The following LHX2 variants were observed in gnomAD, a reference collection of about 807,000 sequenced individuals.
LHX2 encodes LIM/homeobox protein Lhx2.
Under a neutral mutation model 33.0 loss-of-function variants are expected in LHX2, and 6 were observed. That is an observed-to-expected ratio of 0.18 (90% CI 0.10 to 0.36). The LOEUF (loss-of-function observed/expected upper bound fraction) is 0.36, where lower values mean the gene tolerates loss of function less well. LHX2 is among the 10% of genes least tolerant of loss of function. The pLI, the probability that LHX2 is intolerant of heterozygous loss-of-function variation, is 1.00. For synonymous variants in LHX2, 292 were observed against 253.1 expected (o/e 1.15, Z -1.46); for missense variants, 442 against 586.2 (o/e 0.75, Z 2.54).
chr9:124,029,176 C>T (rs1564552796), intron 4 of LHX2, among the ~76,000 whole-genome samples: 1 of 152,038 alleles, frequency 6.6e-6, no homozygotes, highest in Non-Finnish European at 1.5e-5. Flanking sequence ...TAATAATAGT[C>T]GAATCCACCT....
chr9:124,021,380 C>A, intron 4 of LHX2, 76 bp downstream of exon 4: 1 of 1,356,418 alleles, frequency 7.4e-7, no homozygotes, highest in Non-Finnish European at 1.0e-6. Flanking sequence ...TCGCCGTGGG[C>A]CTTGGAAGGA....
intron 3 of LHX2, among the ~76,000 whole-genome samples, chr9:124,020,793 T>C (rs563084116): frequency 3.9e-5 from 6 of 152,044 alleles, no homozygotes; most frequent in Admixed American, 6.6e-5. Context: ...GTAGCTGTTG[T>C]TGCTGCTGCT....
intron 4 of LHX2, among the ~76,000 whole-genome samples, chr9:124,024,862 G>A (rs1405428245): frequency 3.3e-5 from 5 of 152,200 alleles, no homozygotes; most frequent in Admixed American, 6.5e-5. Context: ...AGTTCAGATT[G>A]GTCTGAAATT....
In LHX2 at chr9:124,013,942, C is replaced by A. The variant is rs913942443; in HGVS notation, c.121-19C>A. 1 of 1,606,200 alleles carries A rather than the reference C, an allele frequency of 6.2e-7. No homozygotes were observed. Among genetic ancestry groups the A allele is most frequent in the African/African-American group, 1.3e-5 (1 of 74,806 alleles). On this transcript the variant is annotated intron_variant, in intron 1 of 4. Coordinates refer to ENST00000373615, the MANE Select transcript of LHX2 (RefSeq NM_004789.4). Reference sequence around the variant, plus strand: ...GGCTGACGCAGGCGCTGCTGTCTTCCGCCTCCCTCCCTTCGCAGACCATGC... The same window carrying A: ...GGCTGACGCAGGCGCTGCTGTCTTCAGCCTCCCTCCCTTCGCAGACCATGC...
At chr9:124,013,123 C>T (rs774675393) in intron 1 of LHX2, among the ~76,000 whole-genome samples, 1 of 152,318 alleles carries the variant, frequency 6.6e-6, no homozygotes, top group East Asian at 1.9e-4. Flanking sequence ...GCCAGTTCCT[C>T]GCCTCAGGCC....
At position 124,014,725 on chromosome 9, in the gene LHX2, G is replaced by C. The variant is rs1475371677; in HGVS notation, c.324-397G>C. ...TCTCTCTGTCTCTGTCTCTACGTCT[G>C]TGTCTCTCTCTCTTTCCCTGTCTCT... On this transcript the variant is annotated intron_variant, in intron 2 of 4. Coordinates refer to ENST00000373615, the MANE Select transcript of LHX2 (RefSeq NM_004789.4). The surrounding 1 kb of genome is among the most constrained non-coding windows in gnomAD (Gnocchi z 4.8). Among the ~76,000 whole-genome samples, 1 of 152,152 alleles carries C rather than the reference G, an allele frequency of 6.6e-6. No individual in the cohort carries two copies. Among genetic ancestry groups the C allele is most frequent in the Admixed American group, 6.5e-5 (1 of 15,274 alleles).
In LHX2 at chr9:124,016,911, A is replaced by G. The variant is rs887415730; in HGVS notation, c.727+1386A>G. Among the ~76,000 whole-genome samples, 8 of 152,160 alleles carry G rather than the reference A, an allele frequency of 5.3e-5. No individual in the cohort carries two copies. Among genetic ancestry groups the G allele is most frequent in the African/African-American group, 9.7e-5 (4 of 41,450 alleles). On this transcript the variant is annotated intron_variant, in intron 3 of 4. Transcript: ENST00000373615. The surrounding 1 kb of genome is among the most constrained non-coding windows in gnomAD (Gnocchi z 4.4). ...GCTCCCCCAACACCAAGCCGCTTCT[A>G]TTTATCAAGTGGGTCAACTTCCACT... is the stretch of plus-strand genomic sequence containing the variant.
chr9:124,026,926 C>T (rs563613879), intron 4 of LHX2, among the ~76,000 whole-genome samples: 24 of 152,154 alleles, frequency 1.6e-4, no homozygotes, highest in Non-Finnish European at 3.4e-4. Flanking sequence ...CTCCATTTCC[C>T]TACCTGTAAA....
At chr9:124,028,289 G>A (rs1364464579) in intron 4 of LHX2, among the ~76,000 whole-genome samples, 1 of 152,214 alleles carries the variant, frequency 6.6e-6, no homozygotes. Flanking sequence ...CGCGCACCAG[G>A]CTGGGGCACC....
chr9:124,027,751 G>A (rs1828648329), intron 4 of LHX2, among the ~76,000 whole-genome samples: 1 of 152,110 alleles, frequency 6.6e-6, no homozygotes, highest in African/African-American at 2.4e-5. Flanking sequence ...CCGGGAGGCA[G>A]AGGTTGCAGT....
Position 124,024,647 on chromosome 9 carries a change from G to A in LHX2, c.933+3343G>A, listed in dbSNP as rs576893117. ...TTACAGAGTGTAGAGTCAGGACCCA[G>A]GCATGCTGATCTCATGCACTCATTT... On this transcript the variant is annotated intron_variant, in intron 4 of 4. Coordinates refer to ENST00000373615, the MANE Select transcript of LHX2 (RefSeq NM_004789.4). 2.0e-5 allele frequency among the ~76,000 whole-genome samples: 3 copies of A among 152,278 alleles called. No individual in the cohort carries two copies. The South Asian group carries it at 6.2e-4, about 32-fold the overall frequency.
intron 1 of LHX2, among the ~76,000 whole-genome samples, chr9:124,013,096 G>C (rs1564547927): frequency 1.3e-5 from 2 of 152,328 alleles, no homozygotes; most frequent in South Asian, 4.1e-4. Flanking sequence ...CTGGCTCCGC[G>C]GGCCCAGCCC....
rs201710839 is a variant in LHX2 at position 124,014,176 on chromosome 9, C to T, written c.323+13C>T. The T allele has an allele frequency of 5.6e-6, 8 of 1,420,166 alleles. No homozygotes were observed. The highest frequency in any genetic ancestry group is 2.0e-5 in the Admixed American group (1 of 50,658). 88.0% of individuals were successfully genotyped at this position (1,420,166 alleles called of 1,614,324 possible). A position where few individuals can be genotyped will look rare whatever the true frequency, so the allele number is the denominator to read the frequency against. ...AAGACTACTACAGGTAGCCCCCCCA[C>T]CCAACTGCCCCTCAGGACCCCTCCC... On this transcript the variant is annotated intron_variant, in intron 2 of 4. Coordinates refer to ENST00000373615, the MANE Select transcript of LHX2 (RefSeq NM_004789.4). The surrounding 1 kb of genome is among the most constrained non-coding windows in gnomAD (Gnocchi z 4.8).
intron 3 of LHX2, among the ~76,000 whole-genome samples, chr9:124,017,103 C>G (rs781248023): frequency 6.6e-6 from 1 of 152,216 alleles, no homozygotes; most frequent in Non-Finnish European, 1.5e-5. Flanking sequence ...TTTGCCCCAG[C>G]GAGGTGGGCT....
intron 4 of LHX2, among the ~76,000 whole-genome samples, chr9:124,027,367 C>A (rs897326098): frequency 6.6e-6 from 1 of 152,146 alleles, no homozygotes; most frequent in South Asian, 2.1e-4. Flanking sequence ...GGGCATAGAA[C>A]CAGTCTGTTG....
chr9:124,031,914 G>A (rs1828708141), intron 4 of LHX2: 1 of 152,398 alleles, frequency 6.6e-6, no homozygotes, highest in Non-Finnish European at 1.5e-5. Context: ...ATTAGATAGA[G>A]TGAAATTTTT....
At chr9:124,028,475 C>T (rs1360745802) in intron 4 of LHX2, among the ~76,000 whole-genome samples, 1 of 152,168 alleles carries the variant, frequency 6.6e-6, no homozygotes, top group Non-Finnish European at 1.5e-5. Flanking sequence ...GAATCCCAGC[C>T]TGTCAGAACC....
In LHX2 at chr9:124,015,349, C is replaced by A. The variant is rs761390346; in HGVS notation, c.551C>A (p.Ala184Asp). The A allele has an allele frequency of 2.5e-6, 4 of 1,611,744 alleles. No individual in the cohort carries two copies. The Admixed American group carries it at 5.0e-5, about 20-fold the overall frequency. Residue 184 changes from alanine to aspartate, a missense_variant, in exon 3 of 5, where the codon GCC becomes GAC. This residue lies in a region of LHX2 where 132 missense variants were observed against 139.1 expected (regional missense o/e 0.95). Transcript: ENST00000373615. This position sits in a 1 kb window ranked among gnomAD's most constrained non-coding sequence, Gnocchi z 7.9. The part of the protein sequence containing the change: ...QGEYPAHFNH[A>D]DVAAAAAAAA... ...GAGTACCCCGCACACTTCAACCATGCCGACGTGGCAGCGGCGGCCGCTGCA... is the reference window on the plus strand; with the variant it reads ...GAGTACCCCGCACACTTCAACCATGACGACGTGGCAGCGGCGGCCGCTGCA...
At position 124,015,164 on chromosome 9, in the gene LHX2, C is replaced by T. The variant is rs148731127; in HGVS notation, c.366C>T (p.Ile122=). Residue 122 remains isoleucine, a synonymous_variant, in exon 3 of 5, where the codon ATC becomes ATT. Transcript: ENST00000373615. This position sits in a 1 kb window ranked among gnomAD's most constrained non-coding sequence, Gnocchi z 7.9. ...GCTGCGCCCGCTGCCACCTGGGCAT[C>T]TCGGCCTCGGAGATGGTGATGCGCG... is the stretch of plus-strand genomic sequence containing the variant. ...VQRCARCHLG[I]SASEMVMRAR... 2 of 1,613,908 alleles carry T rather than the reference C, an allele frequency of 1.2e-6. No individual in the cohort carries two copies. Among genetic ancestry groups the T allele is most frequent in the African/African-American group, 2.7e-5 (2 of 74,950 alleles).
Sources: gnomAD v4.1 joint callset for allele counts (sites outside exome capture counted in the v4.1 genomes callset) on GRCh38, gnomAD v4.1.1 for gene constraint, gnomAD v4.1.1 regional missense constraint, Gnocchi (gnomAD v3.1) non-coding constraint, MANE v1.5 for transcripts, NCBI Gene and HGNC (gene_info 2026-07-23, HGNC 2026-07-21) for gene names.